GRM8: variants seen among roughly 807,000 people sequenced by gnomAD.
GRM8 encodes glutamate metabotropic receptor 8, also known as metabotropic glutamate receptor 8.
In GRM8, 47 loss-of-function variants were observed where a neutral mutation model predicts 87.2. The ratio of observed to expected loss-of-function variants is 0.54; its 90% CI spans 0.43 to 0.69. GRM8 has a LOEUF of 0.69. Ranked by LOEUF, GRM8 falls within the 30% of genes least tolerant of loss-of-function variation. The pLI is 0.00. For missense variants in GRM8, 1,019 were observed against 1,139.2 expected (o/e 0.89, Z 1.52); for synonymous variants, 396 against 404.5 (o/e 0.98, Z 0.25).
chr7:126,937,271 TA>T (rs34994020), intron 3 of GRM8, among the ~76,000 whole-genome samples: 57,507 of 152,018 alleles, frequency 0.38, 11,225 homozygotes, highest in East Asian at 0.66. Flanking sequence ...AGGAGTGGGC[TA>T]CCAAACCAAT....
At chr7:127,138,407 T>C (rs1828065072) in intron 2 of GRM8, among the ~76,000 whole-genome samples, 1 of 152,110 alleles carries the variant, frequency 6.6e-6, no homozygotes, top group African/African-American at 2.4e-5. Context: ...TGTATTTTCA[T>C]AAGCACTCCA....
chr7:126,903,775 G>GTA (rs544721638), intron 5 of GRM8, among the ~76,000 whole-genome samples, 197 bp downstream of exon 5: 5,511 of 84,750 alleles, frequency 0.065, 523 homozygotes, highest in African/African-American at 0.089. Flanking sequence ...ATGTGTGTGT[G>GTA]TATATATATA....
intron 6 of GRM8, among the ~76,000 whole-genome samples, chr7:126,838,564 G>A (rs1477124755): frequency 1.3e-5 from 2 of 152,164 alleles, no homozygotes. Context: ...TAGAGGTAAA[G>A]GTGAGGTGAA....
chr7:126,595,856 G>A (rs1048140403), intron 8 of GRM8, among the ~76,000 whole-genome samples: 4 of 152,090 alleles, frequency 2.6e-5, no homozygotes, highest in Non-Finnish European at 4.4e-5. Context: ...TTTATAGTCC[G>A]GCTGGTCGCA....
At chr7:127,119,504 A>ACACACACACACACG (rs1826903849) in intron 2 of GRM8, among the ~76,000 whole-genome samples, 1 of 151,850 alleles carries the variant, frequency 6.6e-6, no homozygotes, top group African/African-American at 2.4e-5. Flanking sequence ...TCTCTCTCAC[A>ACACACACACACACG]CACACACACA....
At chr7:126,636,199 A>C (rs1490768271) in intron 7 of GRM8, among the ~76,000 whole-genome samples, 1 of 152,100 alleles carries the variant, frequency 6.6e-6, no homozygotes, top group East Asian at 1.9e-4. Context: ...TATGACTAAA[A>C]ATCTCTCAGA....
chr7:126,971,813 A>G (rs17866900), intron 3 of GRM8, among the ~76,000 whole-genome samples: 95 of 152,308 alleles, frequency 6.2e-4, no homozygotes, highest in African/African-American at 2.2e-3. Context: ...CAAAAGTCCA[A>G]AGATTTATTC....
chr7:126,728,431 T>C (rs1813246469), intron 7 of GRM8, among the ~76,000 whole-genome samples: 1 of 152,076 alleles, frequency 6.6e-6, no homozygotes, highest in Non-Finnish European at 1.5e-5. Flanking sequence ...GCAGTAATGA[T>C]GCAGAAAAGG....
intron 8 of GRM8, among the ~76,000 whole-genome samples, chr7:126,535,354 A>G (rs1285879020): frequency 6.6e-6 from 1 of 152,178 alleles, no homozygotes; most frequent in African/African-American, 2.4e-5. Context: ...AGTGTCACTG[A>G]TGCAGGACAG....
intron 2 of GRM8, among the ~76,000 whole-genome samples, chr7:127,138,871 G>A (rs566283263): frequency 1.3e-5 from 2 of 152,122 alleles, no homozygotes; most frequent in South Asian, 4.2e-4. Flanking sequence ...AGAGTCCAAT[G>A]CAATTAACAA....
intron 2 of GRM8, among the ~76,000 whole-genome samples, chr7:127,213,683 A>G (rs1796355464): frequency 6.6e-6 from 1 of 152,168 alleles, no homozygotes; most frequent in South Asian, 2.1e-4. Flanking sequence ...TTTATCTTCC[A>G]AATCACTGAT....
intron 3 of GRM8, among the ~76,000 whole-genome samples, chr7:127,033,046 TA>T (rs1817530331): frequency 6.7e-6 from 1 of 149,892 alleles, no homozygotes; most frequent in Non-Finnish European, 1.5e-5. Flanking sequence ...CTTGTTTTAA[TA>T]ATATTTTCTT....
Position 126,587,553 on chromosome 7 carries a change from C to G in GRM8, c.1494+21809G>C, listed in dbSNP as rs145248058. 8.3e-3 allele frequency among the ~76,000 whole-genome samples: 1,258 copies of G among 152,148 alleles called. 8 individuals carry two copies. Among genetic ancestry groups the G allele is most frequent in the African/African-American group, 0.028 (1,153 of 41,502 alleles). ...GGACAGGGATGAAGCTGGAAACCAT[C>G]ATTTTCAGCAAACTATCGCAGGGAC... is the stretch of plus-strand genomic sequence containing the variant. On this transcript the variant is annotated intron_variant, in intron 8 of 10. Transcript: ENST00000339582.
At chr7:126,858,060 A>G (rs543823123) in intron 6 of GRM8, among the ~76,000 whole-genome samples, 2 of 152,344 alleles carry the variant, frequency 1.3e-5, no homozygotes, top group East Asian at 3.9e-4. Flanking sequence ...AGTCTTCCTC[A>G]TCAAAGAAAA....
chr7:126,750,079 A>G (rs1453185834), intron 7 of GRM8, among the ~76,000 whole-genome samples: 1 of 152,150 alleles, frequency 6.6e-6, no homozygotes, highest in East Asian at 1.9e-4. Flanking sequence ...GGAAAACTGG[A>G]AACAATCCAA....
chr7:127,185,863 A>T (rs958695340), intron 2 of GRM8, among the ~76,000 whole-genome samples: 1 of 152,174 alleles, frequency 6.6e-6, no homozygotes, highest in African/African-American at 2.4e-5. Context: ...CCACTTAATC[A>T]TCTGAATAAA....
chr7:127,232,212 TGA>T (rs71177600), intron 2 of GRM8, among the ~76,000 whole-genome samples: 438 of 143,484 alleles, frequency 3.1e-3, no homozygotes, highest in East Asian at 5.7e-3. Flanking sequence ...TGTGTGTGTG[TGA>T]GAGAGAGAGA....
intron 7 of GRM8, among the ~76,000 whole-genome samples, chr7:126,671,492 G>A (rs951522414): frequency 6.6e-6 from 1 of 152,126 alleles, no homozygotes; most frequent in Non-Finnish European, 1.5e-5. Context: ...GAGAAATCAC[G>A]TTTCAAAACT....
chr7:126,764,658 C>T (rs1445330161), intron 7 of GRM8, among the ~76,000 whole-genome samples: 6 of 152,024 alleles, frequency 3.9e-5, no homozygotes, highest in African/African-American at 7.2e-5. Context: ...ATCTAACAAA[C>T]GTTTCCATAT....
Sources: allele counts gnomAD v4.1 joint callset (sites outside exome capture counted in the v4.1 genomes callset), GRCh38; gene constraint gnomAD v4.1.1; transcripts MANE v1.5; gene names NCBI Gene and HGNC (gene_info 2026-07-23, HGNC 2026-07-21).